Variants in SAMD3 observed in about 807,000 individuals in gnomAD.
The protein encoded by SAMD3 is sterile alpha motif domain-containing protein 3.
Under a neutral mutation model 58.5 loss-of-function variants are expected in SAMD3, and 63 were observed. The observed-to-expected ratio is 1.08, with a 90% confidence interval of 0.88 to 1.33. SAMD3 has a LOEUF of 1.33. Among genes scored for constraint, SAMD3 ranks in the 40% most tolerant of loss-of-function variants. The probability of loss-of-function intolerance (pLI) is 0.00; values close to 1 mark genes in which losing one functional copy is unlikely to be tolerated. For missense variants in SAMD3, 604 were observed against 608.4 expected, an observed-to-expected ratio of 0.99 and a Z score of 0.08; for synonymous variants, 220 against 210.3, an observed-to-expected ratio of 1.05 and a Z score of -0.40.
upstream of SAMD3, among the ~76,000 whole-genome samples, chr6:130,223,429 AG>A (rs1490446248): frequency 6.6e-6 from 1 of 152,222 alleles, no homozygotes; most frequent in Admixed American, 6.5e-5. Context: ...AGCTCTGAGT[AG>A]TGGCAAGAAC....
At chr6:130,174,387 C>T (rs1195855171) in intron 8 of SAMD3, among the ~76,000 whole-genome samples, 1 of 152,154 alleles carries the variant, frequency 6.6e-6, no homozygotes, top group Non-Finnish European at 1.5e-5. Flanking sequence ...TAGCACAGTC[C>T]CTCATGGCTT....
intron 2 of SAMD3, among the ~76,000 whole-genome samples, chr6:130,244,289 C>T (rs1773459902): frequency 6.6e-6 from 1 of 152,206 alleles, no homozygotes; most frequent in African/African-American, 2.4e-5. Context: ...AGAAACTTCT[C>T]AGCTAGCATT....
intron 2 of SAMD3, among the ~76,000 whole-genome samples, chr6:130,299,335 G>A (rs191327328): frequency 6.3e-4 from 96 of 152,144 alleles, no homozygotes; most frequent in Admixed American, 4.2e-3. Flanking sequence ...ACAGATGTAC[G>A]TGGAAACTAA....
chr6:130,182,699 CAG>C (rs936566217), intron 7 of SAMD3, among the ~76,000 whole-genome samples: 1 of 152,032 alleles, frequency 6.6e-6, no homozygotes, highest in Non-Finnish European at 1.5e-5. Flanking sequence ...AGGGAGGAAA[CAG>C]AGCCTTAAAA....
At chr6:130,283,166 C>T (rs1775037559) in intron 2 of SAMD3, among the ~76,000 whole-genome samples, 1 of 152,038 alleles carries the variant, frequency 6.6e-6, no homozygotes, top group Non-Finnish European at 1.5e-5. Flanking sequence ...AACTAAAGGA[C>T]TTGCAAACAG....
chr6:130,150,497 G>A (rs569505525), intron 9 of SAMD3, among the ~76,000 whole-genome samples: 3 of 152,240 alleles, frequency 2.0e-5, no homozygotes, highest in African/African-American at 7.2e-5. Context: ...GTTAAATTTT[G>A]TTCTGATAGG....
chr6:130,238,470 A>G (rs1432286009), intron 2 of SAMD3, among the ~76,000 whole-genome samples: 1 of 152,188 alleles, frequency 6.6e-6, no homozygotes, highest in Non-Finnish European at 1.5e-5. Flanking sequence ...CAATAGCAAG[A>G]GATCATGTTT....
At chr6:130,358,036 T>C (rs766235903) in intron 1 of SAMD3, among the ~76,000 whole-genome samples, 3 of 152,248 alleles carry the variant, frequency 2.0e-5, no homozygotes, top group Non-Finnish European at 2.9e-5. Context: ...TCTCTCATAG[T>C]AAAAATTTAT....
At chr6:130,149,799 C>T (rs1301756134) in intron 9 of SAMD3, among the ~76,000 whole-genome samples, 2 of 152,150 alleles carry the variant, frequency 1.3e-5, no homozygotes, top group Non-Finnish European at 2.9e-5. Context: ...AACCTGTACA[C>T]CAAACCCCCA....
intron 1 of SAMD3, among the ~76,000 whole-genome samples, chr6:130,217,711 G>A (rs1033614254): frequency 3.9e-5 from 6 of 152,052 alleles, no homozygotes; most frequent in Admixed American, 6.6e-5. Flanking sequence ...CAAAACATTC[G>A]ACCACAAAAG....
At chr6:130,215,331 C>T (rs759566511) in intron 2 of SAMD3, 37 bp from the exon 3 acceptor site, 36 of 1,386,756 alleles carry the variant, frequency 2.6e-5, no homozygotes, top group Non-Finnish European at 3.5e-5. Flanking sequence ...TCCAGCTTTT[C>T]TTTCTGATTG....
upstream of SAMD3, among the ~76,000 whole-genome samples, chr6:130,223,687 C>T (rs192330589): frequency 7.2e-5 from 11 of 152,230 alleles, no homozygotes; most frequent in African/African-American, 2.6e-4. Flanking sequence ...GCAGGGCGTG[C>T]GATGGGTGTG....
chr6:130,221,104 T>G (rs1796205380), intron 1 of SAMD3, among the ~76,000 whole-genome samples: 1 of 152,138 alleles, frequency 6.6e-6, no homozygotes, highest in Non-Finnish European at 1.5e-5. Context: ...TCTGCCCACC[T>G]TGGCCTCCCA....
chr6:130,278,816 T>TAGTA (rs75412315), intron 2 of SAMD3, among the ~76,000 whole-genome samples: 9,191 of 152,216 alleles, frequency 0.06, 599 homozygotes, highest in East Asian at 0.29. Flanking sequence ...GAGAACTGGA[T>TAGTA]AGTAGTAAAG....
intron 5 of SAMD3, among the ~76,000 whole-genome samples, chr6:130,195,012 T>G (rs2114757197): frequency 6.6e-6 from 1 of 152,288 alleles, no homozygotes; most frequent in Non-Finnish European, 1.5e-5. Flanking sequence ...CTAAACCTCT[T>G]AAAACCCCCC....
At chr6:130,321,731 C>A (rs1314470061) in intron 1 of SAMD3, among the ~76,000 whole-genome samples, 1 of 152,042 alleles carries the variant, frequency 6.6e-6, no homozygotes, top group Non-Finnish European at 1.5e-5. Context: ...AGAACAGCAT[C>A]TTATATCTAG....
intron 5 of SAMD3, among the ~76,000 whole-genome samples, chr6:130,185,993 A>G (rs1224887001): frequency 6.6e-6 from 1 of 152,166 alleles, no homozygotes; most frequent in Non-Finnish European, 1.5e-5. Flanking sequence ...AAGGCTGTTT[A>G]TAAAATTATC....
At chr6:130,169,236 C>CCA (rs759333967) in intron 8 of SAMD3, among the ~76,000 whole-genome samples, 21 of 151,706 alleles carry the variant, frequency 1.4e-4, no homozygotes, top group Admixed American at 3.3e-4. Context: ...TGGAACCCCC[C>CCA]CACACACACA....
At chr6:130,162,730 G>A (rs1790382128) in intron 8 of SAMD3, among the ~76,000 whole-genome samples, 1 of 152,132 alleles carries the variant, frequency 6.6e-6, no homozygotes, top group Admixed American at 6.6e-5. Context: ...GTGGACTGTA[G>A]CTTCTGAACA....
Sources: gnomAD v4.1 joint callset for allele counts (sites outside exome capture counted in the v4.1 genomes callset) on GRCh38, gnomAD v4.1.1 for gene constraint, MANE v1.5 for transcripts, NCBI Gene and HGNC (gene_info 2026-07-23, HGNC 2026-07-21) for gene names.